The following PDLIM3 variants were observed in gnomAD, a reference collection of about 807,000 sequenced individuals.
PDLIM3 encodes the protein PDZ and LIM domain protein 3.
Under a neutral mutation model 37.3 loss-of-function variants are expected in PDLIM3, and 36 were observed. The observed-to-expected ratio is 0.97, with a 90% confidence interval of 0.74 to 1.28. PDLIM3 has a LOEUF of 1.28. Ranked by LOEUF, PDLIM3 falls within the 50% of genes most tolerant of loss-of-function variation. The probability of loss-of-function intolerance (pLI) is 0.00; values close to 1 mark genes in which losing one functional copy is unlikely to be tolerated. For missense variants in PDLIM3, 454 were observed against 485.0 expected, an observed-to-expected ratio of 0.94 and a Z score of 0.60; for synonymous variants, 174 against 182.4, an observed-to-expected ratio of 0.95 and a Z score of 0.37.
intron 4 of PDLIM3, chr4:185,513,456 G>C (rs2153335105): frequency 3.2e-6 from 3 of 934,912 alleles, no homozygotes; most frequent in Non-Finnish European, 3.8e-6. Context: ...ACACACTTAA[G>C]AGTGATGTGC....
rs1171664995 is a variant in PDLIM3, at chr4:185,501,771, TTTA to T, written c.*520_*522del. The T allele has an allele frequency of 6.3e-6, 1 of 158,658 alleles. No individual in the cohort carries two copies. Among genetic ancestry groups the T allele is most frequent in the Non-Finnish European group, 1.4e-5 (1 of 71,738 alleles). 9.8% of individuals were successfully genotyped at this position (158,658 alleles called of 1,614,324 possible). The stretch of plus-strand genomic sequence containing the variant: ...AGGTATTTTTTAAATCTTTTATGTA[TTTA>T]TTATGTTTGTTGCATCGAGTGGCAT... On this transcript the variant is annotated 3_prime_UTR_variant, in exon 8 of 8. Coordinates refer to ENST00000284767, the MANE Select transcript of PDLIM3 (RefSeq NM_014476.6).
In PDLIM3 at chr4:185,504,658, A is replaced by C; in HGVS notation, c.794-72T>G. 8.1e-7 allele frequency: 1 copy of C among 1,233,590 alleles called. No homozygotes were observed. Among genetic ancestry groups the C allele is most frequent in the Non-Finnish European group, 1.2e-6 (1 of 854,080 alleles). 76.4% of individuals were successfully genotyped at this position (1,233,590 alleles called of 1,614,324 possible). On this transcript the variant is annotated intron_variant, in intron 6 of 7. Transcript: ENST00000284767. The surrounding 1 kb of genome is among the most constrained non-coding windows in gnomAD (Gnocchi z 4.7). ...CAGCCTGTGCTTGGCTTCTATTTTA[A>C]AGTGTGCACTTTAACCTGAAGTTGC...
intron 1 of PDLIM3, among the ~76,000 whole-genome samples, chr4:185,526,157 C>G (rs1312847255): frequency 6.6e-6 from 1 of 152,218 alleles, no homozygotes; most frequent in African/African-American, 2.4e-5. Context: ...CCCATACTAG[C>G]TGTTATGAAG....
Position 185,501,768 on chromosome 4 carries a change from G to A in PDLIM3, c.*526C>T, listed in dbSNP as rs2095687377. 1.3e-5 allele frequency: 2 copies of A among 157,514 alleles called. No homozygotes were observed. Among genetic ancestry groups the A allele is most frequent in the South Asian group, 3.8e-4 (2 of 5,308 alleles). The allele number at this position is 157,514 out of a possible 1,614,324, so 9.8% of individuals were successfully genotyped here. On this transcript the variant is annotated 3_prime_UTR_variant, in exon 8 of 8. Transcript: ENST00000284767. ...ATTAGGTATTTTTTAAATCTTTTAT[G>A]TATTTATTATGTTTGTTGCATCGAG...
intron 1 of PDLIM3, among the ~76,000 whole-genome samples, chr4:185,530,664 T>C (rs981661222): frequency 6.6e-6 from 1 of 152,180 alleles, no homozygotes. Flanking sequence ...CAAATAGTAA[T>C]TGGAATATTT....
chr4:185,512,749 A>G (rs2095708569), intron 4 of PDLIM3: 1 of 984,846 alleles, frequency 1.0e-6, no homozygotes, highest in Non-Finnish European at 1.2e-6. Context: ...GATTAATTTT[A>G]CTATGCTTCT....
Position 185,514,238 on chromosome 4 carries a change from A to G in PDLIM3, c.398+32T>C. The G allele has an allele frequency of 6.2e-7, 1 of 1,614,228 alleles. No homozygotes were observed. The highest frequency in any genetic ancestry group is 8.5e-7 in the Non-Finnish European group (1 of 1,180,022). Reference sequence around the variant, plus strand: ...GTAAGAACTGATTTAAGAAGCATGCACTGCAAACTCCACAGTCTCAGCGCT... The same window carrying G: ...GTAAGAACTGATTTAAGAAGCATGCGCTGCAAACTCCACAGTCTCAGCGCT... On this transcript the variant is annotated intron_variant, in intron 4 of 7. Transcript: ENST00000284767. The surrounding 1 kb of genome is among the most constrained non-coding windows in gnomAD (Gnocchi z 4.0).
intron 1 of PDLIM3, 88 bp from the exon 2 acceptor site, chr4:185,525,259 A>G (rs2095731157): frequency 7.7e-7 from 1 of 1,306,572 alleles, no homozygotes; most frequent in South Asian, 1.2e-5. Flanking sequence ...GCCTGGTAAC[A>G]TTTTAAATGT....
rs2095687935 is a variant in PDLIM3, at chr4:185,502,090, CAT to C, written c.*202_*203del. On this transcript the variant is annotated 3_prime_UTR_variant, in exon 8 of 8. Transcript: ENST00000284767. ...GCTAGCCCCAAAAAGAGTTGCAAAA[CAT>C]AGCTAAGTGTATGTTTTTTTCACAT... The C allele has an allele frequency of 1.6e-6, 1 of 615,586 alleles. No homozygotes were observed. Among genetic ancestry groups the C allele is most frequent in the African/African-American group, 1.9e-5 (1 of 53,730 alleles). 38.1% of individuals were successfully genotyped at this position (615,586 alleles called of 1,614,324 possible). A position where few individuals can be genotyped will look rare whatever the true frequency, so the allele number is the denominator to read the frequency against.
At chr4:185,518,412 G>A (rs1408278532) in intron 3 of PDLIM3, among the ~76,000 whole-genome samples, 1 of 151,614 alleles carries the variant, frequency 6.6e-6, no homozygotes, top group African/African-American at 2.4e-5. Flanking sequence ...GAAACAGTAT[G>A]TTTGATTCAT....
intron 4 of PDLIM3, chr4:185,512,601 T>A: frequency 1.1e-6 from 1 of 931,212 alleles, no homozygotes; most frequent in Non-Finnish European, 1.3e-6. Flanking sequence ...TTCCTGACTT[T>A]TTATAAAATT....
rs2095711039 is a variant in PDLIM3, at chr4:185,514,193, G to A, written c.398+77C>T. On this transcript the variant is annotated intron_variant, in intron 4 of 7. Transcript: ENST00000284767. The surrounding 1 kb of genome is among the most constrained non-coding windows in gnomAD (Gnocchi z 4.0). ...GAAAAGCCACTCCAAACATCTACCA[G>A]TTACTTTTCTTGATGATTAGTAAGA... The A allele has an allele frequency of 3.7e-6, 6 of 1,613,674 alleles. No individual in the cohort carries two copies. Among genetic ancestry groups the A allele is most frequent in the South Asian group, 1.1e-5 (1 of 90,968 alleles).
Position 185,514,506 on chromosome 4 carries a change from C to A in PDLIM3, c.331-169G>T. ...GATGTCTTCTTTCCAACCATCTATCCGCTAAACGGTCAGGCACTGGCGGAT... is the reference window on the plus strand; with the variant it reads ...GATGTCTTCTTTCCAACCATCTATCAGCTAAACGGTCAGGCACTGGCGGAT... On this transcript the variant is annotated intron_variant, in intron 3 of 7. Coordinates refer to ENST00000284767, the MANE Select transcript of PDLIM3 (RefSeq NM_014476.6). This position sits in a 1 kb window ranked among gnomAD's most constrained non-coding sequence, Gnocchi z 4.0. 7.0e-7 allele frequency: 1 copy of A among 1,425,138 alleles called. No homozygotes were observed. Among genetic ancestry groups the A allele is most frequent in the East Asian group, 2.5e-5 (1 of 40,658 alleles). 88.3% of individuals were successfully genotyped at this position (1,425,138 alleles called of 1,614,324 possible). A position where few individuals can be genotyped will look rare whatever the true frequency, so the allele number is the denominator to read the frequency against.
At chr4:185,530,897 T>C (rs1296060924) in intron 1 of PDLIM3, among the ~76,000 whole-genome samples, 1 of 151,680 alleles carries the variant, frequency 6.6e-6, no homozygotes, top group Non-Finnish European at 1.5e-5. Context: ...CACTTAATAA[T>C]GGCCCCAAAG....
At chr4:185,520,080 G>A (rs1184914166) in intron 3 of PDLIM3, among the ~76,000 whole-genome samples, 2 of 152,210 alleles carry the variant, frequency 1.3e-5, no homozygotes, top group Non-Finnish European at 2.9e-5. Context: ...TCTCGTCTCA[G>A]TCCACAAGTG....
intron 7 of PDLIM3, among the ~76,000 whole-genome samples, chr4:185,502,965 C>T (rs189129907): frequency 2.0e-5 from 3 of 152,216 alleles, no homozygotes; most frequent in Admixed American, 6.5e-5. Flanking sequence ...TGGTGGCTCA[C>T]GCCTGAAATC....
intron 1 of PDLIM3, among the ~76,000 whole-genome samples, chr4:185,525,975 C>G (rs983006012): frequency 6.6e-6 from 1 of 152,114 alleles, no homozygotes; most frequent in Non-Finnish European, 1.5e-5. Flanking sequence ...TAGAGACTAA[C>G]AAGAAGAGGC....
intron 1 of PDLIM3, among the ~76,000 whole-genome samples, chr4:185,532,937 C>T (rs915421217): frequency 2.0e-5 from 3 of 152,110 alleles, no homozygotes; most frequent in African/African-American, 7.2e-5. Flanking sequence ...CAGGATGGCA[C>T]AAAACAACTC....
At position 185,535,473 on chromosome 4, in the gene PDLIM3, G is replaced by C. The variant is rs1014020492; in HGVS notation, c.-39C>G. ...CGCCCACCGGGCTCTAAGTGTCCCCGCGCAGGGCAGCCACTCCGCGCCGGG... is the reference window on the plus strand; with the variant it reads ...CGCCCACCGGGCTCTAAGTGTCCCCCCGCAGGGCAGCCACTCCGCGCCGGG... On this transcript the variant is annotated 5_prime_UTR_variant, in exon 1 of 8. Transcript: ENST00000284767. 2 of 1,516,120 alleles carry C rather than the reference G, an allele frequency of 1.3e-6. No individual in the cohort carries two copies. Among genetic ancestry groups the C allele is most frequent in the African/African-American group, 1.4e-5 (1 of 70,592 alleles). 93.9% of individuals were successfully genotyped at this position (1,516,120 alleles called of 1,614,324 possible). A position where few individuals can be genotyped will look rare whatever the true frequency, so the allele number is the denominator to read the frequency against.
Sources: allele counts gnomAD v4.1 joint callset (sites outside exome capture counted in the v4.1 genomes callset), GRCh38; gene constraint gnomAD v4.1.1; non-coding constraint Gnocchi (gnomAD v3.1); transcripts MANE v1.5; gene names NCBI Gene and HGNC (gene_info 2026-07-23, HGNC 2026-07-21).